The following PUM2 variants were observed in gnomAD, a reference collection of about 807,000 sequenced individuals.
PUM2 encodes the protein pumilio homolog 2.
A neutral mutation model predicts 124.5 loss-of-function variants in PUM2; 57 were observed. That is an observed-to-expected ratio of 0.46 (90% CI 0.37 to 0.57). PUM2 has a LOEUF of 0.57. PUM2 is among the 20% of genes least tolerant of loss of function. The pLI, the probability that PUM2 is intolerant of heterozygous loss-of-function variation, is 0.00. For missense variants in PUM2, 1,065 were observed against 1,290.6 expected, an observed-to-expected ratio of 0.83 and a Z score of 2.68; for synonymous variants, 460 against 446.1, an observed-to-expected ratio of 1.03 and a Z score of -0.39.
intron 2 of PUM2, among the ~76,000 whole-genome samples, chr2:20,323,009 AG>A (rs1682752404): frequency 6.6e-6 from 1 of 152,212 alleles, no homozygotes; most frequent in Non-Finnish European, 1.5e-5. Flanking sequence ...CACTTCCAAC[AG>A]GAAGTAGTAC....
chr2:20,292,187 C>G (rs918446986), intron 9 of PUM2, among the ~76,000 whole-genome samples: 32 of 151,382 alleles, frequency 2.1e-4, no homozygotes, highest in African/African-American at 7.3e-4. Context: ...GGGAGGTGGC[C>G]AAAATCCTGG....
chr2:20,268,378 G>A (rs1668203563), intron 13 of PUM2, among the ~76,000 whole-genome samples: 1 of 152,166 alleles, frequency 6.6e-6, no homozygotes, highest in Non-Finnish European at 1.5e-5. Flanking sequence ...TTGGGAGGCT[G>A]AGGTGGGCGG....
chr2:20,350,409 C>T, intron 1 of PUM2, 188 bp downstream of exon 1: 1 of 896,880 alleles, frequency 1.1e-6, no homozygotes, highest in Non-Finnish European at 1.3e-6. Flanking sequence ...ACGCGCACAC[C>T]CCCTTCCGGC....
At chr2:20,296,494 CA>C (rs201882701) in intron 8 of PUM2, among the ~76,000 whole-genome samples, 46,536 of 129,146 alleles carry the variant, frequency 0.36, 7,231 homozygotes, top group Middle Eastern at 0.39. Flanking sequence ...GACTCTGTCT[CA>C]AAAAAAAAAA....
chr2:20,272,006 G>C (rs1365473767), intron 13 of PUM2, among the ~76,000 whole-genome samples: 1 of 152,014 alleles, frequency 6.6e-6, no homozygotes, highest in African/African-American at 2.4e-5. Context: ...TAAAAATACA[G>C]AAATTAGCTG....
Position 20,251,389 on chromosome 2 carries a change from A to G in PUM2, c.*196T>C. The G allele has an allele frequency of 1.7e-6, 1 of 582,516 alleles. No homozygotes were observed. Among genetic ancestry groups the G allele is most frequent in the Non-Finnish European group, 2.8e-6 (1 of 355,330 alleles). 36.1% of individuals were successfully genotyped at this position (582,516 alleles called of 1,614,324 possible). ...TAGGTCTCCACTCAGGGCTGAATAT[A>G]ATTTATAATTCATCCCCCACCCCCC... On this transcript the variant is annotated 3_prime_UTR_variant, in exon 21 of 21. Transcript: ENST00000361078.
intron 13 of PUM2, among the ~76,000 whole-genome samples, chr2:20,272,794 T>C (rs1225210944): frequency 6.6e-6 from 1 of 152,226 alleles, no homozygotes; most frequent in African/African-American, 2.4e-5. Flanking sequence ...ATATGGTATG[T>C]CCTTCCATTT....
chr2:20,271,066 C>T (rs891515518), intron 13 of PUM2, among the ~76,000 whole-genome samples: 1 of 151,966 alleles, frequency 6.6e-6, no homozygotes, highest in South Asian at 2.1e-4. Context: ...TACCACAAAG[C>T]TACAAACTCG....
At chr2:20,304,656 T>C (rs1677791595) in intron 7 of PUM2, among the ~76,000 whole-genome samples, 1 of 152,226 alleles carries the variant, frequency 6.6e-6, no homozygotes, top group African/African-American at 2.4e-5. Flanking sequence ...ATTTGTCAAC[T>C]CACACTCTAA....
At chr2:20,336,774 GTGTGTGTGTGTGTGTGTGTGTGT>G (rs1558676248) in intron 1 of PUM2, among the ~76,000 whole-genome samples, 3 of 133,276 alleles carry the variant, frequency 2.3e-5, no homozygotes, top group African/African-American at 8.7e-5. Context: ...GTGTGTGTGT[GTGTGTGTGTGTGTGTGTGTGTGT>G]GTGTGGTACA....
At chr2:20,315,017 C>T (rs1393702351) in intron 3 of PUM2, among the ~76,000 whole-genome samples, 2 of 148,190 alleles carry the variant, frequency 1.3e-5, no homozygotes, top group East Asian at 3.9e-4. Flanking sequence ...GGGCATCAAT[C>T]CTTCCAAGTC....
intron 13 of PUM2, among the ~76,000 whole-genome samples, chr2:20,275,365 T>G (rs1013218137): frequency 6.6e-5 from 10 of 152,032 alleles, no homozygotes; most frequent in African/African-American, 2.4e-4. Flanking sequence ...GCATCAATAT[T>G]ATTCTGAAAG....
At position 20,299,441 on chromosome 2, in the gene PUM2, G is replaced by A. The variant is rs115922735; in HGVS notation, c.884-1763C>T. On this transcript the variant is annotated intron_variant, in intron 7 of 20. Transcript: ENST00000361078. ...CGACTTTGGGAGGCCAAGATAGGTA[G>A]ATCACTTGAGGCCAGGAGTTCAAGA... Among the ~76,000 whole-genome samples the A allele has an allele frequency of 8.3e-3, 1,263 of 152,186 alleles. 23 individuals are homozygous for A. The highest frequency in any genetic ancestry group is 0.028 in the African/African-American group (1,150 of 41,528).
At chr2:20,277,161 A>G (rs1327118095) in intron 13 of PUM2, among the ~76,000 whole-genome samples, 1 of 152,160 alleles carries the variant, frequency 6.6e-6, no homozygotes, top group Non-Finnish European at 1.5e-5. Flanking sequence ...ACCTATGAAA[A>G]GATGACAGGA....
intron 1 of PUM2, among the ~76,000 whole-genome samples, chr2:20,336,317 T>C (rs569117006): frequency 2.4e-4 from 36 of 152,104 alleles, no homozygotes; most frequent in African/African-American, 7.7e-4. Context: ...CCTAAGGAGC[T>C]GGGACTACAA....
rs775028475 is a variant in PUM2 at position 20,254,019 on chromosome 2, AAATT to A, written c.2871-9_2871-6del. 1 of 1,592,980 alleles carries A rather than the reference AAATT, an allele frequency of 6.3e-7. No individual in the cohort carries two copies. Among genetic ancestry groups the A allele is most frequent in the Non-Finnish European group, 8.5e-7 (1 of 1,171,852 alleles). ...ACACACTTTTCTACTACATTGCTAA[AAATT>A]AAAGCAGATAAACAAAGATTTGTTA... On this transcript the variant is annotated splice_polypyrimidine_tract_variant and splice_region_variant and intron_variant, in intron 19 of 20. Coordinates refer to ENST00000361078, the MANE Select transcript of PUM2 (RefSeq NM_015317.5).
At chr2:20,317,508 A>T (rs1681249167) in intron 3 of PUM2, among the ~76,000 whole-genome samples, 1 of 152,200 alleles carries the variant, frequency 6.6e-6, no homozygotes, top group Admixed American at 6.5e-5. Flanking sequence ...CTATGGTTAA[A>T]TTAATCTATC....
chr2:20,253,741 G>A (rs1664057249), intron 20 of PUM2, 81 bp downstream of exon 20: 8 of 1,268,914 alleles, frequency 6.3e-6, no homozygotes, highest in Non-Finnish European at 8.6e-6. Context: ...ACATACGGGA[G>A]GAAATGAAAG....
intron 3 of PUM2, among the ~76,000 whole-genome samples, chr2:20,313,209 C>T (rs1680064011): frequency 6.6e-6 from 1 of 152,152 alleles, no homozygotes; most frequent in South Asian, 2.1e-4. Flanking sequence ...CCAAAATTGG[C>T]AAATGGGATC....
Sources: allele counts gnomAD v4.1 joint callset (sites outside exome capture counted in the v4.1 genomes callset), GRCh38; gene constraint gnomAD v4.1.1; transcripts MANE v1.5; gene names NCBI Gene and HGNC (gene_info 2026-07-23, HGNC 2026-07-21).